Variants in YEATS4 observed in about 807,000 individuals in gnomAD.
YEATS4 encodes YEATS domain-containing protein 4.
A neutral mutation model predicts 30.1 loss-of-function variants in YEATS4; 17 were observed. That is an observed-to-expected ratio of 0.56 (90% confidence interval 0.39 to 0.85). YEATS4 has a LOEUF of 0.85. Ranked by LOEUF, YEATS4 falls within the 40% of genes least tolerant of loss-of-function variation. The probability of loss-of-function intolerance (pLI) is 0.00; values close to 1 mark genes in which losing one functional copy is unlikely to be tolerated. For missense variants in YEATS4, 142 were observed against 268.3 expected (o/e 0.53, Z 3.29); for synonymous variants, 85 against 87.5 (o/e 0.97, Z 0.16).
the YEATS4 span, among the ~76,000 whole-genome samples, chr12:69,402,557 C>CTCTG: frequency 6.6e-6 from 1 of 152,072 alleles, no homozygotes; most frequent in African/African-American, 2.4e-5. Context: ...ATTTTATGGT[C>CTCTG]TCTGTCGTAG....
chr12:69,373,452 C>G (rs1875724910), intron 6 of YEATS4, among the ~76,000 whole-genome samples: 1 of 152,172 alleles, frequency 6.6e-6, no homozygotes, highest in East Asian at 1.9e-4. Flanking sequence ...TGATAAATGT[C>G]TATTCAGATC....
At chr12:69,409,230 A>G in the YEATS4 span, among the ~76,000 whole-genome samples, 1 of 152,212 alleles carries the variant, frequency 6.6e-6, no homozygotes, top group African/African-American at 2.4e-5. Flanking sequence ...AGTCATAATC[A>G]TACTTGCATC....
chr12:69,361,626 AC>A (rs1875213454), intron 1 of YEATS4, among the ~76,000 whole-genome samples: 1 of 116,636 alleles, frequency 8.6e-6, no homozygotes, highest in Non-Finnish European at 2.2e-5. Context: ...GGTTACATTC[AC>A]TCAGCACTTT....
the YEATS4 span, among the ~76,000 whole-genome samples, chr12:69,409,998 T>C: frequency 6.6e-6 from 1 of 152,174 alleles, no homozygotes; most frequent in East Asian, 1.9e-4. Flanking sequence ...GAACCAACTC[T>C]GTAGATCAAC....
intron 6 of YEATS4, among the ~76,000 whole-genome samples, chr12:69,372,980 T>C (rs1231224954): frequency 6.6e-6 from 1 of 152,232 alleles, no homozygotes; most frequent in East Asian, 1.9e-4. Flanking sequence ...TCCTTTTTTA[T>C]GGCTGAATAG....
intron 6 of YEATS4, 61 bp from the exon 7 acceptor site, chr12:69,390,086 C>A: frequency 1.5e-6 from 2 of 1,327,046 alleles, no homozygotes; most frequent in Non-Finnish European, 2.0e-6. Context: ...TATTTATTAC[C>A]CTGTCATATA....
chr12:69,365,741 A>G, intron 3 of YEATS4, 42 bp downstream of exon 3: 1 of 1,601,160 alleles, frequency 6.2e-7, no homozygotes, highest in Non-Finnish European at 8.5e-7. Context: ...AAAGTTAAAA[A>G]TGGCTAGGAA....
At chr12:69,369,355 A>T (rs1875556961) in intron 4 of YEATS4, among the ~76,000 whole-genome samples, 1 of 152,174 alleles carries the variant, frequency 6.6e-6, no homozygotes, top group African/African-American at 2.4e-5. Context: ...GATGCCTGAG[A>T]AATAAACTTT....
chr12:69,370,732 G>A lies in YEATS4; in HGVS notation c.360G>A (p.Leu120=), dbSNP rs1162227212. ...TAACCCTGTATCATTTGCTAAAGCT[G>A]TTTCAATCAGACACCAATGCAATGC... is the stretch of plus-strand genomic sequence containing the variant. ...RPVTLYHLLK[L]FQSDTNAMLG... Residue 120 remains leucine, a synonymous_variant, in exon 5 of 7, where the codon CTG becomes CTA. Transcript: ENST00000247843. 18 of 1,586,792 alleles carry A rather than the reference G, an allele frequency of 1.1e-5. No individual in the cohort carries two copies. Among genetic ancestry groups the A allele is most frequent in the East Asian group, 4.5e-5 (2 of 44,728 alleles).
chr12:69,386,701 C>T (rs1868255546), intron 6 of YEATS4, among the ~76,000 whole-genome samples: 1 of 152,104 alleles, frequency 6.6e-6, no homozygotes, highest in Non-Finnish European at 1.5e-5. Flanking sequence ...GCACTGGGAA[C>T]AAAGTCTAAA....
At chr12:69,409,244 G>A in the YEATS4 span, among the ~76,000 whole-genome samples, 3 of 152,116 alleles carry the variant, frequency 2.0e-5, no homozygotes, top group African/African-American at 7.2e-5. Flanking sequence ...TTGCATCATG[G>A]TGTTATTCAG....
At chr12:69,392,542 C>T (rs1565684457), downstream of YEATS4, among the ~76,000 whole-genome samples, 2 of 152,172 alleles carry the variant, frequency 1.3e-5, no homozygotes, top group Non-Finnish European at 2.9e-5. Flanking sequence ...TTTTCCCATT[C>T]TTTTATAAGT....
downstream of YEATS4, among the ~76,000 whole-genome samples, chr12:69,394,653 G>A (rs1868338025): frequency 1.4e-5 from 2 of 147,062 alleles, no homozygotes; most frequent in Admixed American, 6.7e-5. Flanking sequence ...GTTTGTGGTA[G>A]AGTCTCACTC....
chr12:69,426,661 G>A, the YEATS4 span, among the ~76,000 whole-genome samples: 5 of 152,270 alleles, frequency 3.3e-5, no homozygotes, highest in East Asian at 1.9e-4. Flanking sequence ...ATAAGCCACC[G>A]CATCCGGCCT....
At chr12:69,408,488 G>T in the YEATS4 span, among the ~76,000 whole-genome samples, 1 of 152,122 alleles carries the variant, frequency 6.6e-6, no homozygotes, top group Admixed American at 6.5e-5. Context: ...ATGTGCGTGC[G>T]TGTGTGTGTG....
At chr12:69,413,048 G>A in the YEATS4 span, among the ~76,000 whole-genome samples, 13 of 152,192 alleles carry the variant, frequency 8.5e-5, no homozygotes, top group Admixed American at 8.5e-4. Context: ...TGTGCTAGGG[G>A]TGTTTGCACA....
downstream of YEATS4, among the ~76,000 whole-genome samples, chr12:69,395,485 A>G (rs1427459349): frequency 2.0e-5 from 3 of 152,194 alleles, no homozygotes; most frequent in East Asian, 3.8e-4. Flanking sequence ...TTTAATTTTT[A>G]TAAGTAATAT....
At chr12:69,415,081 T>C in the YEATS4 span, among the ~76,000 whole-genome samples, 1 of 152,274 alleles carries the variant, frequency 6.6e-6, no homozygotes, top group East Asian at 1.9e-4. Flanking sequence ...TCATGCATGC[T>C]GAGCGCACAC....
At chr12:69,377,909 G>T (rs931316772) in intron 6 of YEATS4, among the ~76,000 whole-genome samples, 1 of 152,148 alleles carries the variant, frequency 6.6e-6, no homozygotes, top group Non-Finnish European at 1.5e-5. Context: ...TTGATTTTCT[G>T]TCTGGATGAT....
Sources: allele counts gnomAD v4.1 joint callset (sites outside exome capture counted in the v4.1 genomes callset), GRCh38; gene constraint gnomAD v4.1.1; transcripts MANE v1.5; gene names NCBI Gene and HGNC (gene_info 2026-07-23, HGNC 2026-07-21).